CAMKMT: variants seen among roughly 807,000 people sequenced by gnomAD.
CAMKMT encodes calmodulin-lysine N-methyltransferase, also known as CaM KMT.
CAMKMT carries 53 observed loss-of-function variants against 48.0 expected under a neutral mutation model. The observed-to-expected ratio is 1.10, with a 90% confidence interval of 0.89 to 1.39. CAMKMT has a LOEUF of 1.39. CAMKMT is among the 40% of genes most tolerant of loss of function. The pLI is 0.00. For synonymous variants in CAMKMT, 165 were observed against 152.3 expected (o/e 1.08, Z -0.61); for missense variants, 428 against 402.7 (o/e 1.06, Z -0.54).
intron 2 of CAMKMT, among the ~76,000 whole-genome samples, chr2:44,378,149 G>A (rs992324735): frequency 4.6e-5 from 7 of 152,144 alleles, no homozygotes; most frequent in African/African-American, 1.4e-4. Context: ...AATATGATCC[G>A]TAGTTTCCAG....
intron 3 of CAMKMT, among the ~76,000 whole-genome samples, chr2:44,692,166 T>C (rs1016241520): frequency 6.6e-6 from 1 of 152,118 alleles, no homozygotes; most frequent in East Asian, 1.9e-4. Context: ...TCCCTGAAAG[T>C]ACCATAAAAA....
At chr2:44,545,117 C>T (rs1246699788) in intron 3 of CAMKMT, among the ~76,000 whole-genome samples, 1 of 152,168 alleles carries the variant, frequency 6.6e-6, no homozygotes, top group Non-Finnish European at 1.5e-5. Context: ...AGAATTAGAA[C>T]TTAGCAGCTG....
At chr2:44,630,959 G>T (rs1175027545) in intron 3 of CAMKMT, among the ~76,000 whole-genome samples, 1 of 151,862 alleles carries the variant, frequency 6.6e-6, no homozygotes, top group Admixed American at 6.6e-5. Context: ...TATGTTTATT[G>T]CGGCACTATT....
intron 1 of CAMKMT, among the ~76,000 whole-genome samples, chr2:44,365,233 T>G (rs185446937): frequency 8.5e-5 from 13 of 152,328 alleles, no homozygotes; most frequent in African/African-American, 2.6e-4. Flanking sequence ...TAAAATTCTG[T>G]CTTTCCATTA....
intron 3 of CAMKMT, among the ~76,000 whole-genome samples, chr2:44,420,581 T>TA (rs1475437300): frequency 6.6e-5 from 10 of 151,864 alleles, no homozygotes; most frequent in Middle Eastern, 3.4e-3. Flanking sequence ...ATATATATAT[T>TA]TTTTTCTCTT....
chr2:44,416,275 CTTATT>C (rs571324251), intron 3 of CAMKMT, among the ~76,000 whole-genome samples: 184 of 152,180 alleles, frequency 1.2e-3, no homozygotes, highest in African/African-American at 4.1e-3. Context: ...TTAGTTTACT[CTTATT>C]TAATTTGTTA....
At chr2:44,651,503 G>A (rs146079205) in intron 3 of CAMKMT, among the ~76,000 whole-genome samples, 1 of 152,174 alleles carries the variant, frequency 6.6e-6, no homozygotes, top group Non-Finnish European at 1.5e-5. Context: ...GGCCAACGTG[G>A]TGAAACCCTG....
At chr2:44,699,962 A>G (rs1677171128) in intron 3 of CAMKMT, among the ~76,000 whole-genome samples, 2 of 152,190 alleles carry the variant, frequency 1.3e-5, no homozygotes, top group South Asian at 4.1e-4. Context: ...GAAGGCTTCC[A>G]ATGTTTGTCT....
intron 3 of CAMKMT, among the ~76,000 whole-genome samples, chr2:44,522,088 G>A (rs1363192261): frequency 6.6e-6 from 1 of 150,546 alleles, no homozygotes; most frequent in African/African-American, 2.4e-5. Context: ...ACTGCAGCCT[G>A]CCCCTCCCAG....
intron 3 of CAMKMT, among the ~76,000 whole-genome samples, chr2:44,470,722 C>T (rs1475092304): frequency 6.6e-6 from 1 of 152,106 alleles, no homozygotes; most frequent in African/African-American, 2.4e-5. Flanking sequence ...TCTCCAACAA[C>T]CTTGCGTATT....
At chr2:44,621,880 C>T (rs746617443) in intron 3 of CAMKMT, among the ~76,000 whole-genome samples, 5 of 152,048 alleles carry the variant, frequency 3.3e-5, no homozygotes, top group Non-Finnish European at 5.9e-5. Flanking sequence ...AAGACTATTG[C>T]ATTATTCTAA....
At chr2:44,517,118 T>A (rs1434057096) in intron 3 of CAMKMT, among the ~76,000 whole-genome samples, 1 of 152,180 alleles carries the variant, frequency 6.6e-6, no homozygotes, top group African/African-American at 2.4e-5. Context: ...TAAGTGTTTG[T>A]TAATGAAATT....
chr2:44,595,048 A>G (rs1050779037), intron 3 of CAMKMT, among the ~76,000 whole-genome samples: 3 of 152,132 alleles, frequency 2.0e-5, no homozygotes, highest in Admixed American at 1.3e-4. Flanking sequence ...GCAAACATGA[A>G]AAAAGCTCAT....
intron 8 of CAMKMT, among the ~76,000 whole-genome samples, chr2:44,745,607 C>G (rs1434768231): frequency 6.6e-6 from 1 of 151,838 alleles, no homozygotes; most frequent in Non-Finnish European, 1.5e-5. Flanking sequence ...ATACACCAAG[C>G]TTCATTTTAT....
chr2:44,607,851 T>C (rs532990013), intron 3 of CAMKMT, among the ~76,000 whole-genome samples: 1 of 152,026 alleles, frequency 6.6e-6, no homozygotes, highest in African/African-American at 2.4e-5. Context: ...TATTATGAAA[T>C]GTAAACGATT....
intron 9 of CAMKMT, among the ~76,000 whole-genome samples, chr2:44,754,979 G>A (rs879176185): frequency 6.6e-6 from 1 of 152,102 alleles, no homozygotes; most frequent in Admixed American, 6.5e-5. Context: ...GTGTGTGTGT[G>A]TTTCTAAAGT....
At chr2:44,677,758 A>T (rs1324274014) in intron 3 of CAMKMT, among the ~76,000 whole-genome samples, 1 of 152,008 alleles carries the variant, frequency 6.6e-6, no homozygotes, top group Admixed American at 6.5e-5. Context: ...ATTTTTTACA[A>T]TTCTCTTATA....
At chr2:44,597,204 A>G (rs529527914) in intron 3 of CAMKMT, among the ~76,000 whole-genome samples, 4 of 152,322 alleles carry the variant, frequency 2.6e-5, no homozygotes, top group South Asian at 4.1e-4. Context: ...AAACTGTGAT[A>G]TGACTGCTTT....
intron 8 of CAMKMT, among the ~76,000 whole-genome samples, chr2:44,750,677 G>A (rs1469757910): frequency 6.6e-6 from 1 of 152,148 alleles, no homozygotes; most frequent in Non-Finnish European, 1.5e-5. Context: ...TTCGTCTACT[G>A]TGTCCTCAGC....
Sources: gnomAD v4.1 joint callset for allele counts (sites outside exome capture counted in the v4.1 genomes callset) on GRCh38, gnomAD v4.1.1 for gene constraint, MANE v1.5 for transcripts, NCBI Gene and HGNC (gene_info 2026-07-23, HGNC 2026-07-21) for gene names.